The following LRP1B variants were observed in gnomAD, a reference collection of about 807,000 sequenced individuals.
LRP1B encodes the protein LDL receptor related protein 1B, also known as low-density lipoprotein receptor-related protein 1B.
LRP1B carries 217 observed loss-of-function variants against 556.6 expected under a neutral mutation model. The observed-to-expected ratio is 0.39, with a 90% CI of 0.35 to 0.44. The LOEUF (loss-of-function observed/expected upper bound fraction) is 0.44. Among genes scored for constraint, LRP1B ranks in the 20% least tolerant of loss-of-function variants. The pLI is 1.00. For missense variants in LRP1B, 5,053 were observed against 5,620.8 expected (o/e 0.90, Z 3.23); for synonymous variants, 2,047 against 1,865.8 (o/e 1.10, Z -2.50).
intron 2 of LRP1B, among the ~76,000 whole-genome samples, chr2:141,563,480 C>G (rs1326373150): frequency 6.6e-6 from 1 of 151,550 alleles, no homozygotes; most frequent in Non-Finnish European, 1.5e-5. Flanking sequence ...ATTAGGGAAG[C>G]TAGAAGAAAA....
intron 22 of LRP1B, among the ~76,000 whole-genome samples, chr2:140,905,273 A>AATCCCTAG (rs1207932399): frequency 6.6e-6 from 1 of 151,906 alleles, no homozygotes; most frequent in African/African-American, 2.4e-5. Flanking sequence ...AGACTTGAAC[A>AATCCCTAG]ATCCCTAGCA....
At chr2:140,982,347 T>C (rs1469143584) in intron 17 of LRP1B, 71 bp from the exon 18 acceptor site, 1 of 905,238 alleles carries the variant, frequency 1.1e-6, no homozygotes, top group Non-Finnish European at 1.8e-6. Flanking sequence ...TAATTAAGCA[T>C]GCAATATTCC....
At chr2:141,735,286 A>G (rs1427476372) in intron 2 of LRP1B, among the ~76,000 whole-genome samples, 1 of 151,748 alleles carries the variant, frequency 6.6e-6, no homozygotes, top group Non-Finnish European at 1.5e-5. Flanking sequence ...ATGGCATGGC[A>G]TAAGAGATGA....
intron 1 of LRP1B, among the ~76,000 whole-genome samples, chr2:142,008,219 T>C (rs1191973): frequency 0.58 from 88,215 of 152,028 alleles, 25,895 homozygotes; most frequent in Admixed American, 0.65. Context: ...TAAGATCCTC[T>C]GTCTTCTATA....
At chr2:141,175,998 G>T (rs1680717290) in intron 7 of LRP1B, among the ~76,000 whole-genome samples, 1 of 152,036 alleles carries the variant, frequency 6.6e-6, no homozygotes, top group Non-Finnish European at 1.5e-5. Context: ...ACTCGTATGG[G>T]GCCTGTAACC....
chr2:141,408,855 ATTT>A (rs530816893), intron 3 of LRP1B, among the ~76,000 whole-genome samples: 248 of 152,172 alleles, frequency 1.6e-3, no homozygotes, highest in African/African-American at 5.5e-3. Flanking sequence ...ACTTATCACA[ATTT>A]TATATATTTC....
At chr2:142,083,064 T>C (rs1705780780) in intron 1 of LRP1B, among the ~76,000 whole-genome samples, 1 of 152,174 alleles carries the variant, frequency 6.6e-6, no homozygotes, top group South Asian at 2.1e-4. Context: ...CAGTAAATGA[T>C]AGAGAAACTA....
chr2:141,872,105 C>T (rs1427877687), intron 1 of LRP1B, among the ~76,000 whole-genome samples: 2 of 151,740 alleles, frequency 1.3e-5, no homozygotes, highest in East Asian at 3.9e-4. Context: ...AAAGAGAGAG[C>T]TTGGAAGGAC....
At chr2:141,316,926 G>A (rs1407798318) in intron 3 of LRP1B, among the ~76,000 whole-genome samples, 1 of 152,140 alleles carries the variant, frequency 6.6e-6, no homozygotes, top group African/African-American at 2.4e-5. Context: ...TTTGTATTTG[G>A]CAAGGTACAA....
At chr2:140,646,061 T>C (rs1684472517) in intron 41 of LRP1B, among the ~76,000 whole-genome samples, 1 of 152,164 alleles carries the variant, frequency 6.6e-6, no homozygotes, top group South Asian at 2.1e-4. Context: ...ATGTAATAAT[T>C]CCTAATTTCT....
chr2:142,118,235 A>C (rs764494118), intron 1 of LRP1B, among the ~76,000 whole-genome samples: 17 of 152,138 alleles, frequency 1.1e-4, no homozygotes, highest in Non-Finnish European at 1.9e-4. Flanking sequence ...TGGGTTTACA[A>C]TGTCGTGATG....
chr2:141,459,217 T>C (rs1029841631), intron 3 of LRP1B, among the ~76,000 whole-genome samples: 1 of 152,146 alleles, frequency 6.6e-6, no homozygotes, highest in African/African-American at 2.4e-5. Flanking sequence ...ACTTAGGCTA[T>C]AGAGGTATAA....
chr2:141,517,145 C>T (rs1034593840), intron 2 of LRP1B, among the ~76,000 whole-genome samples: 1 of 151,084 alleles, frequency 6.6e-6, no homozygotes, highest in African/African-American at 2.4e-5. Flanking sequence ...GTTCTGTTTA[C>T]ATGAGTTACT....
intron 2 of LRP1B, among the ~76,000 whole-genome samples, chr2:141,599,287 G>T (rs1348575070): frequency 6.6e-6 from 1 of 151,692 alleles, no homozygotes; most frequent in Non-Finnish European, 1.5e-5. Context: ...TTCTCCATTT[G>T]GCTTTTTTAA....
intron 1 of LRP1B, among the ~76,000 whole-genome samples, chr2:141,892,584 T>C (rs527260751): frequency 1.3e-5 from 2 of 152,258 alleles, no homozygotes; most frequent in East Asian, 1.9e-4. Flanking sequence ...ATTTCCTATA[T>C]ATTTATACAT....
chr2:141,590,726 T>C (rs1450939920), intron 2 of LRP1B, among the ~76,000 whole-genome samples: 1 of 152,134 alleles, frequency 6.6e-6, no homozygotes, highest in East Asian at 1.9e-4. Context: ...TCTAACAGTT[T>C]CAATCAGAGG....
chr2:141,670,635 C>CTTTG (rs1690631369), intron 2 of LRP1B, among the ~76,000 whole-genome samples: 1 of 152,116 alleles, frequency 6.6e-6, no homozygotes, highest in African/African-American at 2.4e-5. Context: ...GAAGAACAGA[C>CTTTG]TTATCTGGTA....
At chr2:140,908,248 T>A (rs1173274615) in intron 21 of LRP1B, among the ~76,000 whole-genome samples, 171 bp from the exon 22 acceptor site, 1 of 151,530 alleles carries the variant, frequency 6.6e-6, no homozygotes, top group Non-Finnish European at 1.5e-5. Context: ...ATTTGAATAT[T>A]TCTTGCCCTG....
chr2:140,514,812 A>G (rs2104932759), intron 50 of LRP1B, 40 bp from the exon 51 acceptor site: 1 of 1,585,158 alleles, frequency 6.3e-7, no homozygotes, highest in Non-Finnish European at 8.6e-7. Context: ...ATAGTTTGAG[A>G]CCGTCTTACA....
Sources: gnomAD v4.1 joint callset for allele counts (sites outside exome capture counted in the v4.1 genomes callset) on GRCh38, gnomAD v4.1.1 for gene constraint, MANE v1.5 for transcripts, NCBI Gene and HGNC (gene_info 2026-07-23, HGNC 2026-07-21) for gene names.